MCTP1: variants seen among roughly 807,000 people sequenced by gnomAD.
MCTP1 encodes the protein multiple C2 and transmembrane domain containing 1, also known as multiple C2 and transmembrane domain-containing protein 1.
A neutral mutation model predicts 120.6 loss-of-function variants in MCTP1; 69 were observed. That is an observed-to-expected ratio of 0.57 (90% CI 0.47 to 0.70). The LOEUF is 0.70. Ranked by LOEUF, MCTP1 falls within the 30% of genes least tolerant of loss-of-function variation. MCTP1 has a pLI of 0.00. For synonymous variants in MCTP1, 529 were observed against 493.1 expected (o/e 1.07, Z -0.96); for missense variants, 1,203 against 1,248.8 (o/e 0.96, Z 0.55).
chr5:95,019,437 C>T (rs1198438079), intron 1 of MCTP1, among the ~76,000 whole-genome samples: 1 of 151,994 alleles, frequency 6.6e-6, no homozygotes. Flanking sequence ...CACGCCCCCA[C>T]CCCTAGTAAC....
intron 1 of MCTP1, among the ~76,000 whole-genome samples, chr5:95,203,057 A>C (rs1396081478): frequency 2.0e-5 from 3 of 151,932 alleles, no homozygotes; most frequent in Non-Finnish European, 1.5e-5. Flanking sequence ...AGCCTGTAAA[A>C]ATTTTCTTCT....
chr5:95,145,793 G>A (rs1188686029), intron 1 of MCTP1, among the ~76,000 whole-genome samples: 1 of 152,126 alleles, frequency 6.6e-6, no homozygotes, highest in African/African-American at 2.4e-5. Context: ...CAGTTTGCTA[G>A]TATTTTGTTG....
At chr5:94,737,131 G>A (rs1764452785) in intron 19 of MCTP1, among the ~76,000 whole-genome samples, 1 of 152,090 alleles carries the variant, frequency 6.6e-6, no homozygotes, top group Non-Finnish European at 1.5e-5. Context: ...TGGGACCAAG[G>A]CATGTACCAC....
Position 95,284,543 on chromosome 5 carries a change from T to C in MCTP1, c.33A>G (p.Pro11=). 4.1e-6 allele frequency: 6 copies of C among 1,464,136 alleles called. No individual in the cohort carries two copies. The highest frequency in any genetic ancestry group is 2.7e-6 in the Non-Finnish European group (3 of 1,119,340). 90.7% of individuals were successfully genotyped at this position (1,464,136 alleles called of 1,614,324 possible). A position where few individuals can be genotyped will look rare whatever the true frequency, so the allele number is the denominator to read the frequency against. The change falls in exon 1 of 23, where the codon CCA becomes CCG. Residue 11 remains proline, a synonymous_variant. Coordinates refer to ENST00000515393, the MANE Select transcript of MCTP1 (RefSeq NM_024717.7). The surrounding 1 kb of genome is among the most constrained non-coding windows in gnomAD (Gnocchi z 5.2). MEPRAAAAGE[P]EPPAASSSFQ... is the part of the protein sequence containing the mutation. ...AGGAGGAGGACGCCGCCGGCGGCTC[T>C]GGCTCGCCCGCCGCGGCAGCCCGGG...
At chr5:95,255,416 A>G (rs1757779561) in intron 1 of MCTP1, among the ~76,000 whole-genome samples, 1 of 152,218 alleles carries the variant, frequency 6.6e-6, no homozygotes, top group South Asian at 2.1e-4. Flanking sequence ...GCATTTTTAG[A>G]ATTCATTCTT....
intron 18 of MCTP1, among the ~76,000 whole-genome samples, chr5:94,790,670 G>A (rs908163649): frequency 3.3e-5 from 5 of 152,186 alleles, no homozygotes; most frequent in Admixed American, 6.5e-5. Context: ...TATGACAGAC[G>A]TGGGAACTCA....
intron 1 of MCTP1, among the ~76,000 whole-genome samples, chr5:95,041,311 G>GAAAAAAAAAAAAAA (rs58379749): frequency 8.1e-4 from 73 of 89,724 alleles, no homozygotes; most frequent in Non-Finnish European, 1.1e-3. Context: ...CCCATGCTCT[G>GAAAAAAAAAAAAAA]AAAAAAAAAA....
chr5:94,868,145 G>A (rs368546434), intron 17 of MCTP1, 188 bp downstream of exon 17: 2 of 417,358 alleles, frequency 4.8e-6, no homozygotes, highest in South Asian at 1.2e-4. Flanking sequence ...GGGGGAAAAT[G>A]TATTCTTAGA....
chr5:95,218,557 T>C (rs1473388332), intron 1 of MCTP1, among the ~76,000 whole-genome samples: 1 of 152,244 alleles, frequency 6.6e-6, no homozygotes, highest in South Asian at 2.1e-4. Context: ...TTGGTACTAG[T>C]AGGCCTTTAA....
At position 94,947,577 on chromosome 5, in the gene MCTP1, TAGAGAGAGAGAGAGAG is replaced by T. The variant is rs3030518; in HGVS notation, c.982-5166_982-5151del. Among the ~76,000 whole-genome samples the T allele has an allele frequency of 5.8e-3, 277 of 47,396 alleles. 7 individuals are homozygous for T. Among genetic ancestry groups the T allele is most frequent in the South Asian group, 0.018 (26 of 1,434 alleles). 31.1% of individuals were successfully genotyped at this position (47,396 alleles called of 152,430 possible). A position where few individuals can be genotyped will look rare whatever the true frequency, so the allele number is the denominator to read the frequency against. Reference sequence around the variant, plus strand: ...CTAAATATATATATATATATATATATAGAGAGAGAGAGAGAGAGAGAGAGAGAGAGAGAGAGAGAGA... The same window carrying T: ...CTAAATATATATATATATATATATATAGAGAGAGAGAGAGAGAGAGAGAGA... On this transcript the variant is annotated intron_variant, in intron 3 of 22. Transcript: ENST00000515393.
intron 19 of MCTP1, among the ~76,000 whole-genome samples, chr5:94,777,927 C>CATGTGTGTGTGTGT (rs1554095231): frequency 1.3e-5 from 2 of 148,850 alleles, no homozygotes; most frequent in African/African-American, 5.0e-5. Flanking sequence ...AGAAAGTGTG[C>CATGTGTGTGTGTGT]GTGTGTGTGT....
intron 8 of MCTP1, among the ~76,000 whole-genome samples, chr5:94,915,523 C>T (rs1809818656): frequency 6.6e-6 from 1 of 152,162 alleles, no homozygotes; most frequent in African/African-American, 2.4e-5. Context: ...TCTATGTGCT[C>T]TCTAGAAGCA....
At chr5:95,208,927 T>C (rs1751997695) in intron 1 of MCTP1, among the ~76,000 whole-genome samples, 1 of 152,142 alleles carries the variant, frequency 6.6e-6, no homozygotes, top group African/African-American at 2.4e-5. Context: ...TCCTTCCTTC[T>C]TTAATCTGTT....
chr5:95,181,242 A>C (rs377323057), intron 1 of MCTP1, among the ~76,000 whole-genome samples: 1 of 152,196 alleles, frequency 6.6e-6, no homozygotes, highest in Non-Finnish European at 1.5e-5. Flanking sequence ...ACCACAGCCT[A>C]CAAGGGCTCC....
chr5:95,214,007 G>A (rs1476692406), intron 1 of MCTP1, among the ~76,000 whole-genome samples: 4 of 152,278 alleles, frequency 2.6e-5, no homozygotes, highest in Non-Finnish European at 4.4e-5. Flanking sequence ...AGCCAAAATT[G>A]ACAAATGGGA....
At position 95,284,395 on chromosome 5, in the gene MCTP1, G is replaced by C. The variant is rs368172405; in HGVS notation, c.181C>G (p.Pro61Ala). 314 of 1,591,542 alleles carry C rather than the reference G, an allele frequency of 2.0e-4. No homozygotes were observed. The highest frequency in any genetic ancestry group is 1.9e-3 in the African/African-American group (145 of 74,376). Reference sequence around the variant, plus strand: ...GCCGGTGCATTCCCTGTGCCCACCGGGGGTGGCGGGGAGGGCGACGGGGTG... The same window carrying C: ...GCCGGTGCATTCCCTGTGCCCACCGCGGGTGGCGGGGAGGGCGACGGGGTG... ...ADTPSPSPPP[P>A]VGTGNAPARG... Residue 61 changes from proline (P) to alanine (A), a missense_variant, in exon 1 of 23, where the codon CCG becomes GCG. Around this residue, in one of 2 missense-constraint regions of MCTP1, gnomAD observed 463 missense variants for 377.8 expected, o/e 1.23. Transcript: ENST00000515393. This position sits in a 1 kb window ranked among gnomAD's most constrained non-coding sequence, Gnocchi z 5.2.
At chr5:94,724,440 C>T (rs1189239948) in intron 19 of MCTP1, among the ~76,000 whole-genome samples, 3 of 144,680 alleles carry the variant, frequency 2.1e-5, no homozygotes, top group Non-Finnish European at 4.5e-5. Context: ...TTGGTAGAGA[C>T]AGGGTCTTGC....
intron 1 of MCTP1, among the ~76,000 whole-genome samples, chr5:95,210,657 G>C (rs1300006517): frequency 1.3e-5 from 2 of 151,052 alleles, no homozygotes; most frequent in Non-Finnish European, 2.9e-5. Context: ...TTTAATTGGA[G>C]CATTTAGTCC....
At chr5:94,941,864 T>C (rs1317816668) in intron 4 of MCTP1, among the ~76,000 whole-genome samples, 1 of 152,012 alleles carries the variant, frequency 6.6e-6, no homozygotes, top group South Asian at 2.1e-4. Flanking sequence ...GCCTCCACCT[T>C]AGGAGCATTC....
Sources: gnomAD v4.1 joint callset for allele counts (sites outside exome capture counted in the v4.1 genomes callset) on GRCh38, gnomAD v4.1.1 for gene constraint, gnomAD v4.1.1 regional missense constraint, Gnocchi (gnomAD v3.1) non-coding constraint, MANE v1.5 for transcripts, NCBI Gene and HGNC (gene_info 2026-07-23, HGNC 2026-07-21) for gene names.